The following COL18A1 variants were observed in gnomAD, a reference collection of about 807,000 sequenced individuals.
COL18A1 encodes the protein collagen type XVIII alpha 1 chain.
A neutral mutation model predicts 168.0 loss-of-function variants in COL18A1; 133 were observed. The observed-to-expected ratio is 0.79, with a 90% CI of 0.69 to 0.91. COL18A1 has a LOEUF of 0.91. COL18A1 is among the 40% of genes least tolerant of loss of function. The pLI is 0.00. For synonymous variants in COL18A1, 949 were observed against 809.0 expected (o/e 1.17, Z -2.94); for missense variants, 2,126 against 1,925.4 (o/e 1.10, Z -1.95).
At chr21:45,499,305 G>T (rs1217160123) in intron 32 of COL18A1, among the ~76,000 whole-genome samples, 1 of 152,360 alleles carries the variant, frequency 6.6e-6, no homozygotes, top group South Asian at 2.1e-4. Context: ...AGGGAAAGGA[G>T]TGCAGAGATG....
rs867475105 is a variant in COL18A1, at chr21:45,443,092, A to T, written c.107-25150A>T. Among the ~76,000 whole-genome samples the T allele has an allele frequency of 1.3e-5, 1 of 78,950 alleles. No individual in the cohort carries two copies. Among genetic ancestry groups the T allele is most frequent in the Admixed American group, 1.2e-4 (1 of 8,080 alleles). 51.8% of individuals were successfully genotyped at this position (78,950 alleles called of 152,430 possible). A position where few individuals can be genotyped will look rare whatever the true frequency, so the allele number is the denominator to read the frequency against. On this transcript the variant is annotated intron_variant, in intron 2 of 41. Coordinates refer to ENST00000651438, the MANE Select transcript of COL18A1 (RefSeq NM_001379500.1). The surrounding 1 kb of genome is among the most constrained non-coding windows in gnomAD (Gnocchi z 5.2). ...GCTGGTGTGGGTGGTGGTGGTGCTG[A>T]TGTGGGCGGCGGTGCTGGTGTGGGC...
At position 45,423,556 on chromosome 21, in the gene COL18A1, C is replaced by G. The variant is rs758575608; in HGVS notation, c.106+18083C>G. Among the ~76,000 whole-genome samples, 3 of 148,998 alleles carry G rather than the reference C, an allele frequency of 2.0e-5. No homozygotes were observed. Among genetic ancestry groups the G allele is most frequent in the African/African-American group, 4.9e-5 (2 of 41,096 alleles). ...TATGAGTGGATCTGGAGGTCGGCCT[C>G]TCTTGAATCCCAGCCTCCTCGGGGT... On this transcript the variant is annotated intron_variant, in intron 2 of 41. Coordinates refer to ENST00000651438, the MANE Select transcript of COL18A1 (RefSeq NM_001379500.1). The surrounding 1 kb of genome is among the most constrained non-coding windows in gnomAD (Gnocchi z 4.0).
intron 13 of COL18A1, 142 bp downstream of exon 13, chr21:45,481,000 C>T (rs2035872855): frequency 7.0e-6 from 9 of 1,287,244 alleles, no homozygotes; most frequent in Non-Finnish European, 9.7e-6. Flanking sequence ...AGCTGGCGGG[C>T]AGTTGCTGAC....
rs961353860 is a variant in COL18A1, at chr21:45,497,591, T to C, written c.2621-8T>C. 1 of 1,558,180 alleles carries C rather than the reference T, an allele frequency of 6.4e-7. No homozygotes were observed. Among genetic ancestry groups the C allele is most frequent in the African/African-American group, 1.4e-5 (1 of 73,426 alleles). On this transcript the variant is annotated splice_region_variant and splice_polypyrimidine_tract_variant and intron_variant, in intron 31 of 41. Coordinates refer to ENST00000651438, the MANE Select transcript of COL18A1 (RefSeq NM_001379500.1). ...TTCCTGATGGGCACTGGGTCTCTCT[T>C]CCTCCAGGGAATCAGGGCCCTCCAG...
In COL18A1 at chr21:45,427,306, C is replaced by T. The variant is rs185912301; in HGVS notation, c.106+21833C>T. ...CTGCCAGTGGCCCCTGGAGGCTTCTCCCCACCCCTTTCTTCTGGGGCAATT... is the reference window on the plus strand; with the variant it reads ...CTGCCAGTGGCCCCTGGAGGCTTCTTCCCACCCCTTTCTTCTGGGGCAATT... On this transcript the variant is annotated intron_variant, in intron 2 of 41. Coordinates refer to ENST00000651438, the MANE Select transcript of COL18A1 (RefSeq NM_001379500.1). Among the ~76,000 whole-genome samples the T allele has an allele frequency of 6.6e-5, 10 of 152,292 alleles. No homozygotes were observed. In the East Asian group the frequency reaches 1.9e-3, roughly 29 times the overall value.
Position 45,477,954 on chromosome 21 carries a change from G to C in COL18A1, c.1210G>C (p.Asp404His), listed in dbSNP as rs774411955. 2.3e-5 allele frequency: 35 copies of C among 1,530,460 alleles called. No individual in the cohort carries two copies. Among genetic ancestry groups the C allele is most frequent in the Non-Finnish European group, 3.1e-5 (35 of 1,127,644 alleles). 94.8% of individuals were successfully genotyped at this position (1,530,460 alleles called of 1,614,324 possible). A position where few individuals can be genotyped will look rare whatever the true frequency, so the allele number is the denominator to read the frequency against. Residue 404 changes from aspartate (D) to histidine (H), a missense_variant, in exon 8 of 42, where the codon GAC becomes CAC. Transcript: ENST00000651438. ...GGGGAGGGACGGCACCCCTGGAAGG[G>C]ACGGCGAGCCGGTGAGTCCTCACGT... Reference protein sequence around the residue: ...PPGRDGTPGRDGEPGDPGEDG... With the variant: ...PPGRDGTPGRHGEPGDPGEDG...
chr21:45,411,513 G>A (rs1450765268), intron 2 of COL18A1, among the ~76,000 whole-genome samples: 1 of 152,050 alleles, frequency 6.6e-6, no homozygotes, highest in East Asian at 1.9e-4. Flanking sequence ...AATGAGCCTC[G>A]GACACCCACA....
chr21:45,412,394 G>T (rs555540672), intron 2 of COL18A1, among the ~76,000 whole-genome samples: 1 of 151,512 alleles, frequency 6.6e-6, no homozygotes, highest in Non-Finnish European at 1.5e-5. Context: ...GGGCCACCAC[G>T]CCTGGCTAAT....
intron 15 of COL18A1, among the ~76,000 whole-genome samples, chr21:45,484,333 A>ACACATG (rs1275410333): frequency 1.4e-5 from 2 of 148,016 alleles, no homozygotes; most frequent in African/African-American, 2.5e-5. Flanking sequence ...ACACACATGC[A>ACACATG]CACACACATC....
intron 28 of COL18A1, 100 bp from the exon 29 acceptor site, chr21:45,495,258 C>A: frequency 1.0e-6 from 1 of 996,006 alleles, no homozygotes; most frequent in Non-Finnish European, 1.6e-6. Flanking sequence ...TGAGCGTGGG[C>A]CGGCCGGGCC....
intron 2 of COL18A1, among the ~76,000 whole-genome samples, chr21:45,426,121 T>C (rs1043663623): frequency 1.3e-5 from 2 of 152,134 alleles, no homozygotes; most frequent in African/African-American, 2.4e-5. Flanking sequence ...TTTTCTTTTT[T>C]TGAGACAGAG....
At chr21:45,509,936 C>G in intron 39 of COL18A1, 128 bp from the exon 40 acceptor site, 2 of 1,082,842 alleles carry the variant, frequency 1.8e-6, no homozygotes, top group Non-Finnish European at 2.6e-6. Flanking sequence ...GTGTCACTTG[C>G]GCGCCTCCCG....
chr21:45,487,321 G>GA lies in COL18A1; in HGVS notation c.1834-126_1834-125insA. Reference sequence around the variant, plus strand: ...GGTAGACAGTCCCCATCTGAGAACGGCGGCTCCCCAGGCCACCGTGGCCCC... The same window carrying GA: ...GGTAGACAGTCCCCATCTGAGAACGGACGGCTCCCCAGGCCACCGTGGCCCC... On this transcript the variant is annotated intron_variant, in intron 16 of 41. Transcript: ENST00000651438. The GA allele has an allele frequency of 4.4e-6, 5 of 1,140,182 alleles. No homozygotes were observed. The Admixed American group carries it at 9.7e-5, about 22-fold the overall frequency. The allele number at this position is 1,140,182 out of a possible 1,614,324, so 70.6% of individuals were successfully genotyped here.
At chr21:45,490,451 TCTCCATGTGCCCTCGTGGGTCCCTGGGC>T in intron 20 of COL18A1, 105 bp downstream of exon 20, 1 of 728,650 alleles carries the variant, frequency 1.4e-6, no homozygotes. Context: ...GGTCCCTGGG[TCTCCATGTGCCCTCGTGGGTCCCTGGGC>T]CTCCGTGTGC....
At position 45,504,037 on chromosome 21, in the gene COL18A1, T is replaced by C. The variant is rs1277406089; in HGVS notation, c.2710T>C (p.Leu904=). 7 of 1,613,538 alleles carry C rather than the reference T, an allele frequency of 4.3e-6. No homozygotes were observed. The highest frequency in any genetic ancestry group is 2.2e-5 in the South Asian group (2 of 91,086). The part of the protein sequence containing the change: ...PGQFPFDFLQ[L]EAEMKGEKGD... ...GCAGTTTCCGTTTGACTTTCTTCAG[T>C]TGGAGGCTGAAATGAAGGTGGGTGA... The change falls in exon 33 of 42, where the codon TTG becomes CTG. Residue 904 remains leucine (L), a synonymous_variant. Coordinates refer to ENST00000651438, the MANE Select transcript of COL18A1 (RefSeq NM_001379500.1).
chr21:45,490,469 G>C (rs2036281151), intron 20 of COL18A1, 123 bp downstream of exon 20: 7 of 833,976 alleles, frequency 8.4e-6, no homozygotes, highest in Non-Finnish European at 1.3e-5. Flanking sequence ...TGCCCTCGTG[G>C]GTCCCTGGGC....
chr21:45,435,272 G>A, intron 2 of COL18A1, among the ~76,000 whole-genome samples: 1 of 117,540 alleles, frequency 8.5e-6, no homozygotes, highest in South Asian at 3.7e-4. Flanking sequence ...GAAGGGGGTG[G>A]GGGGAGGGAG....
chr21:45,474,416 TGTGTGTC>T (rs1324814819), intron 4 of COL18A1, among the ~76,000 whole-genome samples: 20 of 148,278 alleles, frequency 1.3e-4, no homozygotes, highest in African/African-American at 5.1e-4. Flanking sequence ...GTGTCTGTCT[TGTGTGTC>T]GTGTGTGTCT....
chr21:45,456,765 G>GC, intron 2 of COL18A1: 1 of 1,541,392 alleles, frequency 6.5e-7, no homozygotes, highest in Middle Eastern at 1.7e-4. Flanking sequence ...TGCCAGTTCT[G>GC]CGAGGCCCTG....
Sources: allele counts gnomAD v4.1 joint callset (sites outside exome capture counted in the v4.1 genomes callset), GRCh38; gene constraint gnomAD v4.1.1; non-coding constraint Gnocchi (gnomAD v3.1); transcripts MANE v1.5; gene names NCBI Gene and HGNC (gene_info 2026-07-23, HGNC 2026-07-21).